Variants in ANKRD17 observed in about 807,000 individuals in gnomAD.
ANKRD17 encodes ankyrin repeat domain 17, also known as ankyrin repeat domain-containing protein 17.
In ANKRD17, 19 loss-of-function variants were observed where a neutral mutation model predicts 229.7. The ratio of observed to expected loss-of-function variants is 0.08; its 90% confidence interval spans 0.06 to 0.12. The LOEUF (loss-of-function observed/expected upper bound fraction) is 0.12. Ranked by LOEUF, ANKRD17 falls within the 10% of genes least tolerant of loss-of-function variation. The probability of loss-of-function intolerance (pLI) is 1.00; values close to 1 mark genes in which losing one functional copy is unlikely to be tolerated. For missense variants in ANKRD17, 2,176 were observed against 3,176.8 expected, an observed-to-expected ratio of 0.68 and a Z score of 7.57; for synonymous variants, 1,112 against 1,146.1, an observed-to-expected ratio of 0.97 and a Z score of 0.60.
chr4:73,195,963 A>G (rs566507494), intron 1 of ANKRD17, among the ~76,000 whole-genome samples: 32 of 150,212 alleles, frequency 2.1e-4, no homozygotes, highest in African/African-American at 7.8e-4. Context: ...GTATGATTAG[A>G]GCTTTAGCAG....
At chr4:73,250,391 G>A (rs1011741195) in intron 1 of ANKRD17, among the ~76,000 whole-genome samples, 3 of 151,318 alleles carry the variant, frequency 2.0e-5, no homozygotes, top group Non-Finnish European at 1.5e-5. Context: ...ACTTGGAGCC[G>A]GGAGTTTGCG....
chr4:73,129,249 G>A (rs1281901763), intron 16 of ANKRD17, among the ~76,000 whole-genome samples: 2 of 152,050 alleles, frequency 1.3e-5, no homozygotes, highest in African/African-American at 2.4e-5. Context: ...TATAAAAAAT[G>A]ATAAAAAATA....
intron 1 of ANKRD17, among the ~76,000 whole-genome samples, chr4:73,231,402 C>A (rs2149240891): frequency 6.6e-6 from 1 of 152,274 alleles, no homozygotes; most frequent in Middle Eastern, 3.4e-3. Context: ...GGGTCCCTGA[C>A]AAGCTCCAAT....
intron 24 of ANKRD17, among the ~76,000 whole-genome samples, chr4:73,104,396 G>A (rs1175062955): frequency 6.6e-6 from 1 of 152,174 alleles, no homozygotes; most frequent in Admixed American, 6.5e-5. Context: ...GGAGGGAGAA[G>A]TGTGCTTGTT....
At chr4:73,182,051 CAAAAAAAAAAAAAAAAAAAAAAA>C (rs143812968) in intron 1 of ANKRD17, among the ~76,000 whole-genome samples, 13 of 43,256 alleles carry the variant, frequency 3.0e-4, no homozygotes, top group South Asian at 1.6e-3. Context: ...CCGTCCCCAC[CAAAAAAAAAAAAAAAAAAAAAAA>C]AAAAAAAAAA....
At chr4:73,205,276 C>A (rs1449615368) in intron 1 of ANKRD17, among the ~76,000 whole-genome samples, 1 of 151,998 alleles carries the variant, frequency 6.6e-6, no homozygotes, top group Non-Finnish European at 1.5e-5. Context: ...CATGGTCATG[C>A]CACTGCACTC....
chr4:73,224,936 A>G (rs1212272525), intron 1 of ANKRD17, among the ~76,000 whole-genome samples: 2 of 152,216 alleles, frequency 1.3e-5, no homozygotes, highest in Non-Finnish European at 2.9e-5. Flanking sequence ...ACACAGTTAT[A>G]TGCAGAGTCA....
At chr4:73,211,247 T>C (rs1311193445) in intron 1 of ANKRD17, among the ~76,000 whole-genome samples, 1 of 151,892 alleles carries the variant, frequency 6.6e-6, no homozygotes, top group Admixed American at 6.6e-5. Flanking sequence ...AGAGAAGAGG[T>C]AGGATCTAGG....
intron 15 of ANKRD17, among the ~76,000 whole-genome samples, chr4:73,138,522 T>A (rs1471947425): frequency 2.0e-5 from 3 of 151,896 alleles, no homozygotes; most frequent in Admixed American, 6.6e-5. Flanking sequence ...TAAAAAAAAA[T>A]AAGCTCATCA....
In ANKRD17 at chr4:73,139,879, T is replaced by C; in HGVS notation, c.2737A>G (p.Thr913Ala). The change falls in exon 15 of 34, where the codon ACT (threonine) becomes GCT (alanine). Residue 913 changes from threonine to alanine, a missense_variant. Physicochemically the swap from Thr to Ala is moderately conservative, Grantham distance 58 (BLOSUM62 0). This residue lies in a region of ANKRD17 where 230 missense variants were observed against 252.3 expected (regional missense o/e 0.91). Transcript: ENST00000358602. ...QQSCQHLGLLTPVGVGEQLSE... is the reference protein window; with the variant it reads ...QQSCQHLGLLAPVGVGEQLSE... ...AGCTGCTCTCCAACTCCAACAGGAG[T>C]TAGTAATCCCAGGTGTTGGCAAGAC... 1 of 1,614,158 alleles carries C rather than the reference T, an allele frequency of 6.2e-7. No individual in the cohort carries two copies. The highest frequency in any genetic ancestry group is 8.5e-7 in the Non-Finnish European group (1 of 1,180,042).
intron 1 of ANKRD17, among the ~76,000 whole-genome samples, chr4:73,194,536 T>C (rs563084908): frequency 5.0e-4 from 76 of 152,304 alleles, no homozygotes; most frequent in African/African-American, 1.7e-3. Context: ...CTTTTCTATA[T>C]AGATACTAAA....
At chr4:73,185,016 C>T (rs542738581) in intron 1 of ANKRD17, among the ~76,000 whole-genome samples, 194 of 151,956 alleles carry the variant, frequency 1.3e-3, no homozygotes, top group African/African-American at 4.4e-3. Context: ...CAACCAATTA[C>T]GAACTTAAGT....
intron 19 of ANKRD17, 126 bp downstream of exon 19, chr4:73,121,491 A>T (rs1313638848): frequency 3.4e-6 from 4 of 1,181,116 alleles, no homozygotes; most frequent in Non-Finnish European, 5.0e-6. Flanking sequence ...AAAAATCTCT[A>T]ACACTTTGAA....
chr4:73,250,614 A>AAAAAAAAAC (rs1744925337), intron 1 of ANKRD17, among the ~76,000 whole-genome samples: 1 of 149,570 alleles, frequency 6.7e-6, no homozygotes, highest in Non-Finnish European at 1.5e-5. Flanking sequence ...AAAAAAAAAA[A>AAAAAAAAAC]ACAGAAAAAA....
intron 24 of ANKRD17, chr4:73,112,800 T>G: frequency 1.4e-6 from 1 of 702,832 alleles, no homozygotes; most frequent in Non-Finnish European, 1.7e-6. Context: ...ATTTTATTTA[T>G]TTTTTGAGAC....
At chr4:73,125,745 A>AAAAAAAAAAG (rs556235831) in intron 16 of ANKRD17, among the ~76,000 whole-genome samples, 56 of 144,360 alleles carry the variant, frequency 3.9e-4, no homozygotes, top group Non-Finnish European at 6.2e-4. Flanking sequence ...AAAAAAAAAA[A>AAAAAAAAAAG]AAAAGAAAAG....
intron 23 of ANKRD17, among the ~76,000 whole-genome samples, chr4:73,114,321 C>T (rs1181306701): frequency 6.6e-6 from 1 of 152,104 alleles, no homozygotes; most frequent in Non-Finnish European, 1.5e-5. Context: ...CTTTGTTGCT[C>T]CAATTTTGTG....
At chr4:73,153,436 A>C (rs1236370293) in intron 6 of ANKRD17, among the ~76,000 whole-genome samples, 1 of 152,152 alleles carries the variant, frequency 6.6e-6, no homozygotes, top group Non-Finnish European at 1.5e-5. Context: ...GCTGTGTTTT[A>C]ACAATCTAGA....
chr4:73,150,335 C>G (rs571080299), intron 7 of ANKRD17, among the ~76,000 whole-genome samples: 8 of 152,226 alleles, frequency 5.3e-5, no homozygotes, highest in African/African-American at 1.9e-4. Context: ...ATTTTAATTT[C>G]TTAATCTACA....
Sources: allele counts gnomAD v4.1 joint callset (sites outside exome capture counted in the v4.1 genomes callset), GRCh38; gene constraint gnomAD v4.1.1; regional missense constraint gnomAD v4.1.1; transcripts MANE v1.5; gene names NCBI Gene and HGNC (gene_info 2026-07-23, HGNC 2026-07-21).